Variants in PPP2R5A observed in about 807,000 individuals in gnomAD.
The protein encoded by PPP2R5A is protein phosphatase 2 regulatory subunit B'alpha.
PPP2R5A carries 25 observed loss-of-function variants against 64.2 expected under a neutral mutation model. The observed-to-expected ratio is 0.39, with a 90% CI of 0.28 to 0.54. The LOEUF (loss-of-function observed/expected upper bound fraction) is 0.54, where lower values mean the gene tolerates loss of function less well. Among genes scored for constraint, PPP2R5A ranks in the 20% least tolerant of loss-of-function variants. PPP2R5A has a pLI of 0.67. For missense variants in PPP2R5A, 425 were observed against 576.3 expected (o/e 0.74, Z 2.69); for synonymous variants, 198 against 201.2 (o/e 0.98, Z 0.13).
At chr1:212,310,623 C>G (rs1289483719) in intron 1 of PPP2R5A, among the ~76,000 whole-genome samples, 2 of 152,172 alleles carry the variant, frequency 1.3e-5, no homozygotes, top group Non-Finnish European at 2.9e-5. Flanking sequence ...GGAGCAGCAG[C>G]CCGAGGTCTT....
intron 5 of PPP2R5A, 51 bp from the exon 6 acceptor site, chr1:212,347,296 A>C: frequency 1.5e-6 from 2 of 1,293,222 alleles, no homozygotes; most frequent in South Asian, 2.5e-5. Context: ...TGTTTCTCTT[A>C]GTTTTCTGAA....
intron 3 of PPP2R5A, among the ~76,000 whole-genome samples, chr1:212,334,447 A>ACTACACCTG (rs1183977081): frequency 6.6e-6 from 1 of 152,026 alleles, no homozygotes; most frequent in Non-Finnish European, 1.5e-5. Flanking sequence ...GATGTGTGAC[A>ACTACACCTG]CTACACCTGC....
intron 2 of PPP2R5A, among the ~76,000 whole-genome samples, chr1:212,332,517 T>C (rs1198328344): frequency 6.6e-6 from 1 of 152,200 alleles, no homozygotes; most frequent in Non-Finnish European, 1.5e-5. Flanking sequence ...AAATTATAAA[T>C]CCTTTATTTC....
intron 1 of PPP2R5A, among the ~76,000 whole-genome samples, chr1:212,310,593 C>A (rs1317338899): frequency 1.3e-5 from 2 of 152,188 alleles, no homozygotes; most frequent in Admixed American, 6.5e-5. Flanking sequence ...GCTTTAGAAG[C>A]TGAGCAGTTT....
chr1:212,353,650 C>T (rs1659926120), intron 8 of PPP2R5A, among the ~76,000 whole-genome samples: 1 of 152,002 alleles, frequency 6.6e-6, no homozygotes, highest in South Asian at 2.1e-4. Flanking sequence ...GTTTTAGTTG[C>T]TGATATCCAT....
chr1:212,357,418 T>C, intron 11 of PPP2R5A, 134 bp downstream of exon 11: 1 of 803,476 alleles, frequency 1.2e-6, no homozygotes, highest in Non-Finnish European at 1.8e-6. Context: ...AGTTGTATTC[T>C]ATTCTGTATT....
chr1:212,307,899 C>T (rs2102418158), intron 1 of PPP2R5A, among the ~76,000 whole-genome samples: 1 of 151,842 alleles, frequency 6.6e-6, no homozygotes, highest in East Asian at 1.9e-4. Context: ...GGCTGGAGTG[C>T]AGTGGCGTGA....
intron 8 of PPP2R5A, among the ~76,000 whole-genome samples, chr1:212,356,209 C>T (rs1426741276): frequency 6.6e-6 from 1 of 152,056 alleles, no homozygotes; most frequent in Non-Finnish European, 1.5e-5. Flanking sequence ...ATCATCTGTT[C>T]CTTAAGGTTT....
At position 212,286,046 on chromosome 1, in the gene PPP2R5A, C is replaced by T. The variant is rs1658490017; in HGVS notation, c.-65C>T. On this transcript the variant is annotated 5_prime_UTR_variant, in exon 1 of 13. Transcript: ENST00000261461. Reference sequence around the variant, plus strand: ...GCGCCTCTCCCCCGCCTCCTCCTGCCGTCTCCGCCGCTGCCCGTGCCTTGC... The same window carrying T: ...GCGCCTCTCCCCCGCCTCCTCCTGCTGTCTCCGCCGCTGCCCGTGCCTTGC... 2.8e-6 allele frequency: 4 copies of T among 1,434,786 alleles called. No homozygotes were observed. The highest frequency in any genetic ancestry group is 5.2e-5 in the Admixed American group (2 of 38,520). 88.9% of individuals were successfully genotyped at this position (1,434,786 alleles called of 1,614,324 possible).
intron 1 of PPP2R5A, among the ~76,000 whole-genome samples, chr1:212,292,179 T>G (rs1202041593): frequency 6.6e-6 from 1 of 152,250 alleles, no homozygotes; most frequent in Non-Finnish European, 1.5e-5. Context: ...CCACAACTTT[T>G]TATCGAAGGC....
chr1:212,349,967 A>C (rs1659847021), intron 8 of PPP2R5A, among the ~76,000 whole-genome samples: 1 of 152,246 alleles, frequency 6.6e-6, no homozygotes. Flanking sequence ...TGTTCAGTCT[A>C]AATATTTACC....
At position 212,358,895 on chromosome 1, in the gene PPP2R5A, GTT is replaced by G. The variant is rs879641097; in HGVS notation, c.1328+109_1328+110del. 922 of 781,830 alleles carry G rather than the reference GTT, an allele frequency of 1.2e-3. 18 individuals carry two copies. In the Admixed American group the frequency reaches 0.024, roughly 21 times the overall value. 48.4% of individuals were successfully genotyped at this position (781,830 alleles called of 1,614,324 possible). Reference sequence around the variant, plus strand: ...CAGTTCAGATTTTCATATTTAAGAAGTTAATTACCTTATAGTAAACATTACAA... The same window carrying G: ...CAGTTCAGATTTTCATATTTAAGAAGAATTACCTTATAGTAAACATTACAA... On this transcript the variant is annotated intron_variant, in intron 12 of 12. Coordinates refer to ENST00000261461, the MANE Select transcript of PPP2R5A (RefSeq NM_006243.4).
rs185501071 is a variant in PPP2R5A at position 212,339,704 on chromosome 1, G to C, written c.481-2484G>C. Among the ~76,000 whole-genome samples, 64 of 152,248 alleles carry C rather than the reference G, an allele frequency of 4.2e-4. 2 individuals carry two copies. Among genetic ancestry groups the C allele is most frequent in the Admixed American group, 3.8e-3 (58 of 15,282 alleles). On this transcript the variant is annotated intron_variant, in intron 3 of 12. Transcript: ENST00000261461. Reference sequence around the variant, plus strand: ...ATATATGGTTTAGAGAATTCAGTTTGAGAGAATTAGAGAATTCAGTCTGAT... The same window carrying C: ...ATATATGGTTTAGAGAATTCAGTTTCAGAGAATTAGAGAATTCAGTCTGAT...
At chr1:212,304,371 A>G (rs972303637) in intron 1 of PPP2R5A, among the ~76,000 whole-genome samples, 3 of 152,122 alleles carry the variant, frequency 2.0e-5, no homozygotes, top group African/African-American at 7.2e-5. Context: ...ACCAACGTGG[A>G]GAAACCCCGT....
intron 12 of PPP2R5A, among the ~76,000 whole-genome samples, chr1:212,359,018 T>C (rs1660034777): frequency 6.6e-6 from 1 of 152,232 alleles, no homozygotes; most frequent in Non-Finnish European, 1.5e-5. Context: ...GCATTTATTT[T>C]TGAGGGTAGT....
At chr1:212,348,033 T>C (rs895611292) in intron 6 of PPP2R5A, among the ~76,000 whole-genome samples, 3 of 152,192 alleles carry the variant, frequency 2.0e-5, no homozygotes, top group Admixed American at 1.3e-4. Context: ...TAAGAAAAAT[T>C]ACCCATTTAC....
At chr1:212,355,192 CTGA>C (rs1281801755) in intron 8 of PPP2R5A, among the ~76,000 whole-genome samples, 2 of 151,966 alleles carry the variant, frequency 1.3e-5, no homozygotes, top group Non-Finnish European at 2.9e-5. Flanking sequence ...CTGATTTTTA[CTGA>C]TGTTTTATAA....
At chr1:212,324,890 C>G (rs1558147956) in intron 1 of PPP2R5A, among the ~76,000 whole-genome samples, 1 of 152,138 alleles carries the variant, frequency 6.6e-6, no homozygotes, top group Admixed American at 6.5e-5. Flanking sequence ...CAAGCATGAG[C>G]CACCGCACCT....
At chr1:212,340,908 C>T (rs1659675297) in intron 3 of PPP2R5A, among the ~76,000 whole-genome samples, 1 of 152,178 alleles carries the variant, frequency 6.6e-6, no homozygotes, top group African/African-American at 2.4e-5. Context: ...AGCAATCTTT[C>T]TTTTCCCTTT....
Sources: gnomAD v4.1 joint callset for allele counts (sites outside exome capture counted in the v4.1 genomes callset) on GRCh38, gnomAD v4.1.1 for gene constraint, MANE v1.5 for transcripts, NCBI Gene and HGNC (gene_info 2026-07-23, HGNC 2026-07-21) for gene names.